Variants in RALYL observed in about 807,000 individuals in gnomAD.
The protein encoded by RALYL is RNA-binding Raly-like protein.
Under a neutral mutation model 35.1 loss-of-function variants are expected in RALYL, and 29 were observed. The ratio of observed to expected loss-of-function variants is 0.83; its 90% CI spans 0.61 to 1.13. The LOEUF (loss-of-function observed/expected upper bound fraction) is 1.13. Among genes scored for constraint, RALYL ranks in the 50% most tolerant of loss-of-function variants. The pLI, the probability that RALYL is intolerant of heterozygous loss-of-function variation, is 0.00. For synonymous variants in RALYL, 120 were observed against 127.6 expected (o/e 0.94, Z 0.40); for missense variants, 359 against 360.4 (o/e 1.00, Z 0.03).
chr8:84,458,635 A>G (rs1483044173), intron 1 of RALYL, among the ~76,000 whole-genome samples: 1 of 151,746 alleles, frequency 6.6e-6, no homozygotes, highest in East Asian at 1.9e-4. Flanking sequence ...CAAACTTATA[A>G]AAATATTTCA....
intron 1 of RALYL, among the ~76,000 whole-genome samples, chr8:84,365,660 G>A (rs1308165060): frequency 6.6e-6 from 1 of 152,126 alleles, no homozygotes; most frequent in Non-Finnish European, 1.5e-5. Context: ...AAAGTTTTAA[G>A]GTTTGGTGAA....
intron 2 of RALYL, among the ~76,000 whole-genome samples, chr8:84,714,077 A>G (rs527767874): frequency 4.0e-4 from 61 of 151,792 alleles, no homozygotes; most frequent in Middle Eastern, 3.4e-3. Flanking sequence ...ATCTATAAAA[A>G]GAAGGAAATC....
intron 2 of RALYL, among the ~76,000 whole-genome samples, chr8:84,763,816 G>A (rs1213988007): frequency 2.6e-5 from 4 of 152,010 alleles, no homozygotes; most frequent in Non-Finnish European, 4.4e-5. Context: ...GTTAATTAAC[G>A]GCATTATCAT....
chr8:84,490,075 G>A (rs373283523), intron 1 of RALYL, among the ~76,000 whole-genome samples: 39 of 141,572 alleles, frequency 2.8e-4, no homozygotes, highest in African/African-American at 9.3e-4. Context: ...GAGTGCTTGC[G>A]TGCATGTGTG....
intron 1 of RALYL, among the ~76,000 whole-genome samples, chr8:84,278,686 T>A (rs1288460963): frequency 5.3e-5 from 8 of 152,204 alleles, no homozygotes. Flanking sequence ...ATGCTGCCAG[T>A]CCCTTTGCAT....
rs546205418 is a variant in RALYL, at chr8:84,635,192, G to A, written c.256+105615G>A. On this transcript the variant is annotated intron_variant, in intron 2 of 8. Coordinates refer to ENST00000521268, the MANE Select transcript of RALYL (RefSeq NM_173848.7). ...TTTTATTCTCACATTTCTATGAGAA[G>A]GTGTTCTACAAAAACAAAATGGAGG... 7.6e-4 allele frequency among the ~76,000 whole-genome samples: 115 copies of A among 151,492 alleles called. No individual in the cohort carries two copies. In the South Asian group the frequency reaches 9.6e-3, roughly 13 times the overall value.
intron 1 of RALYL, among the ~76,000 whole-genome samples, chr8:84,472,751 T>C (rs1188632904): frequency 6.6e-6 from 1 of 152,168 alleles, no homozygotes; most frequent in African/African-American, 2.4e-5. Flanking sequence ...TAGTTAGAGT[T>C]TGAATGATGA....
intron 8 of RALYL, among the ~76,000 whole-genome samples, chr8:84,895,574 G>A (rs1243037121): frequency 2.0e-5 from 3 of 152,052 alleles, no homozygotes; most frequent in East Asian, 1.9e-4. Context: ...GTGCAGTGGC[G>A]TGATCTTGGC....
intron 1 of RALYL, among the ~76,000 whole-genome samples, chr8:84,526,933 A>G (rs1278898201): frequency 6.6e-6 from 1 of 152,050 alleles, no homozygotes; most frequent in Non-Finnish European, 1.5e-5. Flanking sequence ...CTGGTTTTCT[A>G]TTTCTTTGAG....
intron 2 of RALYL, among the ~76,000 whole-genome samples, chr8:84,692,019 C>A (rs1304568351): frequency 6.6e-6 from 1 of 151,792 alleles, no homozygotes; most frequent in Non-Finnish European, 1.5e-5. Context: ...TGACCAAATT[C>A]AATATCCAAT....
At chr8:84,789,049 G>T (rs1820197915) in intron 3 of RALYL, among the ~76,000 whole-genome samples, 1 of 152,142 alleles carries the variant, frequency 6.6e-6, no homozygotes, top group South Asian at 2.1e-4. Flanking sequence ...GCGTGTGTGA[G>T]CTAAAAGAGT....
At chr8:84,488,211 G>GT (rs1396865302) in intron 1 of RALYL, among the ~76,000 whole-genome samples, 22 of 152,006 alleles carry the variant, frequency 1.4e-4, no homozygotes. Context: ...TTCAGCATAA[G>GT]TTGTATGAGC....
rs773106695 is a variant in RALYL, at chr8:84,402,437, G to A, written c.-23-126862G>A. Among the ~76,000 whole-genome samples the A allele has an allele frequency of 3.3e-5, 5 of 152,018 alleles. No homozygotes were observed. The East Asian group carries it at 5.8e-4, about 18-fold the overall frequency. ...TAGACTACCTGATGATAATAATGGT[G>A]TTCTAGAAATAAAGGCAGCTTTCGG... On this transcript the variant is annotated intron_variant, in intron 1 of 8. Coordinates refer to ENST00000521268, the MANE Select transcript of RALYL (RefSeq NM_173848.7).
chr8:84,841,540 T>G (rs1388937809), intron 4 of RALYL, among the ~76,000 whole-genome samples: 1 of 152,140 alleles, frequency 6.6e-6, no homozygotes, highest in Non-Finnish European at 1.5e-5. Context: ...CACACCACTG[T>G]CAACATTAGA....
intron 1 of RALYL, among the ~76,000 whole-genome samples, chr8:84,341,873 G>A (rs1258697411): frequency 6.6e-6 from 1 of 151,876 alleles, no homozygotes; most frequent in Admixed American, 6.6e-5. Context: ...GAGTTATGGA[G>A]AATTTCCCAT....
chr8:84,185,762 T>A (rs1335945445), intron 1 of RALYL, among the ~76,000 whole-genome samples: 1 of 152,206 alleles, frequency 6.6e-6, no homozygotes, highest in Non-Finnish European at 1.5e-5. Flanking sequence ...AGATGAAGTT[T>A]TCTTCTAGGT....
intron 1 of RALYL, among the ~76,000 whole-genome samples, chr8:84,291,958 T>C (rs1408759683): frequency 2.0e-5 from 3 of 150,010 alleles, no homozygotes; most frequent in East Asian, 1.9e-4. Flanking sequence ...ATATAATACA[T>C]GCATTAGGAA....
intron 2 of RALYL, among the ~76,000 whole-genome samples, chr8:84,550,080 C>T (rs770537057): frequency 3.9e-5 from 6 of 152,148 alleles, no homozygotes; most frequent in Non-Finnish European, 8.8e-5. Flanking sequence ...GATAGCTACC[C>T]TTTCTGCTAC....
At chr8:84,862,815 T>C (rs1477119974) in intron 6 of RALYL, among the ~76,000 whole-genome samples, 1 of 152,308 alleles carries the variant, frequency 6.6e-6, no homozygotes, top group East Asian at 1.9e-4. Flanking sequence ...AAACTGTCTT[T>C]TCAGAGAAAC....
Sources: allele counts gnomAD v4.1 joint callset (sites outside exome capture counted in the v4.1 genomes callset), GRCh38; gene constraint gnomAD v4.1.1; transcripts MANE v1.5; gene names NCBI Gene and HGNC (gene_info 2026-07-23, HGNC 2026-07-21).